The following GABRB1 variants were observed in gnomAD, a reference collection of about 807,000 sequenced individuals.
GABRB1 encodes the protein gamma-aminobutyric acid receptor subunit beta-1.
A neutral mutation model predicts 51.6 loss-of-function variants in GABRB1; 17 were observed. That is an observed-to-expected ratio of 0.33 (90% CI 0.23 to 0.49). GABRB1 has a LOEUF of 0.49. Among genes scored for constraint, GABRB1 ranks in the 20% least tolerant of loss-of-function variants. The pLI is 0.99. For synonymous variants in GABRB1, 247 were observed against 218.9 expected (o/e 1.13, Z -1.14); for missense variants, 410 against 600.6 (o/e 0.68, Z 3.32).
intron 4 of GABRB1, among the ~76,000 whole-genome samples, chr4:47,224,619 T>C (rs1720886297): frequency 6.6e-6 from 1 of 152,106 alleles, no homozygotes; most frequent in Non-Finnish European, 1.5e-5. Flanking sequence ...TGGAGGGTAC[T>C]CTTGCTAAAC....
In GABRB1 at chr4:47,181,113, G is replaced by A. The variant is rs537058888; in HGVS notation, c.461+19644G>A. On this transcript the variant is annotated intron_variant, in intron 4 of 8. Coordinates refer to ENST00000295454, the MANE Select transcript of GABRB1 (RefSeq NM_000812.4). ...TCAGCTATCATATCTCCAAAGATTG[G>A]CTTATCACCATTTTCTCTATACTTT... Among the ~76,000 whole-genome samples, 10 of 151,962 alleles carry A rather than the reference G, an allele frequency of 6.6e-5. No homozygotes were observed. The East Asian group carries it at 1.7e-3, about 26-fold the overall frequency.
chr4:47,123,710 G>GGTATATGATATATC (rs1553917486), intron 3 of GABRB1, among the ~76,000 whole-genome samples: 11 of 10,350 alleles, frequency 1.1e-3, no homozygotes, highest in African/African-American at 2.8e-3. Flanking sequence ...TATATAATAT[G>GGTATATGATATATC]ATATATGATA....
chr4:47,077,569 A>G (rs1178171355), intron 3 of GABRB1, among the ~76,000 whole-genome samples: 2 of 152,006 alleles, frequency 1.3e-5, no homozygotes, highest in Non-Finnish European at 2.9e-5. Flanking sequence ...ATTGCTAAGT[A>G]TATCCTGTCA....
chr4:47,067,726 T>G (rs946259099), intron 3 of GABRB1, among the ~76,000 whole-genome samples: 1 of 152,222 alleles, frequency 6.6e-6, no homozygotes, highest in East Asian at 1.9e-4. Flanking sequence ...TATTTATTTA[T>G]TTTTTCCTTT....
chr4:47,253,311 C>T (rs1426782581), intron 4 of GABRB1, among the ~76,000 whole-genome samples: 1 of 152,152 alleles, frequency 6.6e-6, no homozygotes, highest in Admixed American at 6.5e-5. Flanking sequence ...TTGTGTGAGT[C>T]CGTGAGCTCT....
At chr4:47,366,887 T>C (rs891487046) in intron 5 of GABRB1, among the ~76,000 whole-genome samples, 3 of 152,238 alleles carry the variant, frequency 2.0e-5, no homozygotes, top group African/African-American at 7.2e-5. Context: ...ATACTACTTT[T>C]TAGACTATTA....
chr4:47,298,157 A>C (rs923669350), intron 4 of GABRB1, among the ~76,000 whole-genome samples: 6 of 152,188 alleles, frequency 3.9e-5, no homozygotes, highest in South Asian at 2.1e-4. Context: ...AAAAACTGGA[A>C]GCATTCCCTT....
chr4:47,064,683 A>G (rs1456755284), intron 3 of GABRB1, among the ~76,000 whole-genome samples: 1 of 151,240 alleles, frequency 6.6e-6, no homozygotes, highest in East Asian at 1.9e-4. Context: ...AAAGAAAAGC[A>G]GTTATCAACC....
rs921369410 is a variant in GABRB1, at chr4:47,297,601, T to A, written c.462-22526T>A. On this transcript the variant is annotated intron_variant, in intron 4 of 8. Transcript: ENST00000295454. ...AATAGACCAATAACAGGCTCTGAAA[T>A]TGTGGTAATAATCAATAGCTTACCA... 1.9e-4 allele frequency among the ~76,000 whole-genome samples: 29 copies of A among 152,270 alleles called. No individual in the cohort carries two copies. In the Middle Eastern group the frequency reaches 0.014, roughly 71 times the overall value.
intron 5 of GABRB1, among the ~76,000 whole-genome samples, chr4:47,392,003 C>T (rs1728015412): frequency 6.6e-6 from 1 of 151,820 alleles, no homozygotes; most frequent in African/African-American, 2.4e-5. Flanking sequence ...TGACAGGATC[C>T]TATCTGGGAG....
intron 1 of GABRB1, among the ~76,000 whole-genome samples, chr4:47,023,377 C>T (rs933109008): frequency 2.0e-5 from 3 of 151,682 alleles, no homozygotes; most frequent in Admixed American, 1.3e-4. Flanking sequence ...GATGAATATC[C>T]CTTTCTGCAT....
rs1322184010 is a variant in GABRB1, at chr4:47,367,906, A to G, written c.545-35412A>G. 2.0e-5 allele frequency among the ~76,000 whole-genome samples: 3 copies of G among 152,216 alleles called. No homozygotes were observed. The East Asian group carries it at 5.8e-4, about 29-fold the overall frequency. ...GCCCTTGTCCTTGCAGTAAAGGCTG[A>G]CTGATTATAACCACATTCTAGCTCA... On this transcript the variant is annotated intron_variant, in intron 5 of 8. Coordinates refer to ENST00000295454, the MANE Select transcript of GABRB1 (RefSeq NM_000812.4).
chr4:47,280,529 C>A (rs988612619), intron 4 of GABRB1, among the ~76,000 whole-genome samples: 6 of 150,880 alleles, frequency 4.0e-5, no homozygotes, highest in African/African-American at 1.5e-4. Context: ...TCTTTTCTTT[C>A]ACCTTCAAGG....
intron 4 of GABRB1, among the ~76,000 whole-genome samples, chr4:47,237,485 AAGGAATAATTCATTCTGACTG>A (rs1352034309): frequency 6.6e-6 from 1 of 152,074 alleles, no homozygotes; most frequent in Non-Finnish European, 1.5e-5. Flanking sequence ...AAACAGAGAA[AAGGAATAATTCATTCTGACTG>A]AGGAAAATGG....
intron 5 of GABRB1, among the ~76,000 whole-genome samples, chr4:47,399,185 CAT>C (rs1401597666): frequency 1.3e-5 from 2 of 152,148 alleles, no homozygotes; most frequent in Non-Finnish European, 2.9e-5. Flanking sequence ...TATAAATAAT[CAT>C]ATGGGTTTTA....
intron 4 of GABRB1, among the ~76,000 whole-genome samples, chr4:47,172,320 A>T (rs1718473296): frequency 6.6e-6 from 1 of 152,204 alleles, no homozygotes; most frequent in African/African-American, 2.4e-5. Flanking sequence ...TTAATAGGAT[A>T]TATTTGCAGT....
intron 5 of GABRB1, among the ~76,000 whole-genome samples, chr4:47,320,778 T>C (rs2109963491): frequency 1.4e-5 from 2 of 147,542 alleles, no homozygotes. Context: ...TTCTTTTTTT[T>C]TTTTTTTTTG....
In GABRB1 at chr4:47,157,019, C is replaced by T. The variant is rs553796933; in HGVS notation, c.241-4230C>T. 2.0e-5 allele frequency among the ~76,000 whole-genome samples: 3 copies of T among 152,130 alleles called. No individual in the cohort carries two copies. The East Asian group carries it at 5.8e-4, about 29-fold the overall frequency. On this transcript the variant is annotated intron_variant, in intron 3 of 8. Coordinates refer to ENST00000295454, the MANE Select transcript of GABRB1 (RefSeq NM_000812.4). Reference sequence around the variant, plus strand: ...TGTCGTTTTGGAGTTTCATTGAGTGCTACTGGTTTGGTATTGTCTATCTTG... The same window carrying T: ...TGTCGTTTTGGAGTTTCATTGAGTGTTACTGGTTTGGTATTGTCTATCTTG...
intron 5 of GABRB1, among the ~76,000 whole-genome samples, chr4:47,381,890 A>G (rs1460623572): frequency 6.6e-6 from 1 of 152,212 alleles, no homozygotes. Flanking sequence ...TTCTAAACCA[A>G]AGAGCAAAGA....
Sources: gnomAD v4.1 joint callset for allele counts (sites outside exome capture counted in the v4.1 genomes callset) on GRCh38, gnomAD v4.1.1 for gene constraint, MANE v1.5 for transcripts, NCBI Gene and HGNC (gene_info 2026-07-23, HGNC 2026-07-21) for gene names.